Variants in TSHZ2 observed in about 807,000 individuals in gnomAD.
The protein encoded by TSHZ2 is teashirt zinc finger homeobox 2.
A neutral mutation model predicts 74.4 loss-of-function variants in TSHZ2; 21 were observed. The ratio of observed to expected loss-of-function variants is 0.28; its 90% CI spans 0.20 to 0.41. TSHZ2 has a LOEUF of 0.41. TSHZ2 is among the 10% of genes least tolerant of loss of function. TSHZ2 has a pLI of 1.00. For missense variants in TSHZ2, 1,244 were observed against 1,293.5 expected (o/e 0.96, Z 0.59); for synonymous variants, 540 against 515.3 (o/e 1.05, Z -0.65).
At chr20:52,997,602 C>G (rs977335346) in intron 1 of TSHZ2, among the ~76,000 whole-genome samples, 6 of 152,124 alleles carry the variant, frequency 3.9e-5, no homozygotes, top group Admixed American at 3.3e-4. Context: ...GGGCTGTCCT[C>G]TCCCCAGCCC....
At chr20:53,387,580 C>G (rs549589846) in intron 2 of TSHZ2, among the ~76,000 whole-genome samples, 79 of 152,260 alleles carry the variant, frequency 5.2e-4, no homozygotes, top group African/African-American at 1.8e-3. Context: ...CTCTTTTGCT[C>G]TCAAGTCTTG....
chr20:53,051,884 A>G (rs1568737345), intron 1 of TSHZ2, among the ~76,000 whole-genome samples: 1 of 152,238 alleles, frequency 6.6e-6, no homozygotes, highest in Non-Finnish European at 1.5e-5. Flanking sequence ...AGAAAGAAAC[A>G]ATTGTGGATG....
intron 1 of TSHZ2, among the ~76,000 whole-genome samples, chr20:53,080,455 T>C (rs900865778): frequency 2.6e-5 from 4 of 152,312 alleles, no homozygotes; most frequent in African/African-American, 9.6e-5. Flanking sequence ...GTCAGTTCTT[T>C]AGAGCAACAG....
chr20:53,206,212 C>T (rs1339373656), intron 1 of TSHZ2, among the ~76,000 whole-genome samples: 1 of 151,996 alleles, frequency 6.6e-6, no homozygotes, highest in Non-Finnish European at 1.5e-5. Flanking sequence ...AGCCAGACGC[C>T]GTCTCAAAAA....
chr20:53,085,967 G>A (rs574595041), intron 1 of TSHZ2, among the ~76,000 whole-genome samples: 1 of 152,226 alleles, frequency 6.6e-6, no homozygotes, highest in African/African-American at 2.4e-5. Flanking sequence ...GCCTCTCAAG[G>A]CCTAGGGTTA....
chr20:53,321,502 A>T lies in TSHZ2; in HGVS notation c.*8+64931A>T, dbSNP rs545345080. Among the ~76,000 whole-genome samples the T allele has an allele frequency of 1.1e-3, 169 of 151,866 alleles. 2 individuals are homozygous for T. The highest frequency in any genetic ancestry group is 3.8e-3 in the African/African-American group (157 of 41,410). ...AGTTCAAGACCAGCCTAGCCAACAT[A>T]GTGAAACCCCATCTCTACTAAAAAT... is the stretch of plus-strand genomic sequence containing the variant. On this transcript the variant is annotated intron_variant, in intron 2 of 2. Transcript: ENST00000371497.
chr20:53,147,191 C>T (rs914647530), intron 1 of TSHZ2, among the ~76,000 whole-genome samples: 4 of 152,152 alleles, frequency 2.6e-5, no homozygotes, highest in Non-Finnish European at 4.4e-5. Flanking sequence ...TGGCTTTATA[C>T]ATGGATAAAT....
intron 1 of TSHZ2, among the ~76,000 whole-genome samples, chr20:53,161,619 C>T (rs931813836): frequency 3.3e-5 from 5 of 152,186 alleles, no homozygotes; most frequent in Admixed American, 2.6e-4. Context: ...AGAGTACAAG[C>T]GAAAGAGGAA....
chr20:53,360,875 G>A lies in TSHZ2; in HGVS notation c.*8+104304G>A, dbSNP rs146155328. ...TTATATTAAAAACTTTTGTGTTCAG[G>A]ATAATGCCAGAAGCCAAGCTCTCTT... On this transcript the variant is annotated intron_variant, in intron 2 of 2. Transcript: ENST00000371497. 4.8e-4 allele frequency among the ~76,000 whole-genome samples: 73 copies of A among 152,274 alleles called. 1 individual carries two copies. The highest frequency in any genetic ancestry group is 8.1e-4 in the Non-Finnish European group (55 of 68,028).
intron 1 of TSHZ2, among the ~76,000 whole-genome samples, chr20:53,101,315 T>C (rs1311985955): frequency 6.6e-6 from 1 of 152,214 alleles, no homozygotes; most frequent in Non-Finnish European, 1.5e-5. Context: ...AATTATTGAT[T>C]TAATAATATT....
At chr20:53,087,941 C>A (rs184472422) in intron 1 of TSHZ2, among the ~76,000 whole-genome samples, 131 of 152,266 alleles carry the variant, frequency 8.6e-4, no homozygotes, top group African/African-American at 3.0e-3. Context: ...ATAACTCTCT[C>A]CTCCAACCTT....
chr20:53,163,188 G>A (rs1317085657), intron 1 of TSHZ2, among the ~76,000 whole-genome samples: 1 of 151,966 alleles, frequency 6.6e-6, no homozygotes, highest in Non-Finnish European at 1.5e-5. Flanking sequence ...GAGGTGTGAT[G>A]GTCCCCACCT....
intron 1 of TSHZ2, among the ~76,000 whole-genome samples, chr20:53,132,380 T>G (rs570651845): frequency 6.6e-6 from 1 of 151,314 alleles, no homozygotes; most frequent in Non-Finnish European, 1.5e-5. Context: ...GGCACCATCT[T>G]GGCTCACTGC....
chr20:53,018,471 G>C (rs1292519205), intron 1 of TSHZ2, among the ~76,000 whole-genome samples: 1 of 152,132 alleles, frequency 6.6e-6, no homozygotes, highest in Non-Finnish European at 1.5e-5. Context: ...AGCAAACCAG[G>C]GGCTAACAGA....
At chr20:53,005,752 T>C (rs1444503257) in intron 1 of TSHZ2, among the ~76,000 whole-genome samples, 1 of 152,212 alleles carries the variant, frequency 6.6e-6, no homozygotes, top group East Asian at 1.9e-4. Context: ...GTACTGGCTC[T>C]TTCTGGTTAT....
rs551761451 is a variant in TSHZ2, at chr20:53,180,797, A to G, written c.41-72702A>G. Among the ~76,000 whole-genome samples, 3 of 152,306 alleles carry G rather than the reference A, an allele frequency of 2.0e-5. No individual in the cohort carries two copies. In the South Asian group the frequency reaches 6.2e-4, roughly 32 times the overall value. ...AAAAAAATTATAAAATAAAATGAAAAGATCACTTGTTAACACAAAGCAAAA... is the reference window on the plus strand; with the variant it reads ...AAAAAAATTATAAAATAAAATGAAAGGATCACTTGTTAACACAAAGCAAAA... On this transcript the variant is annotated intron_variant, in intron 1 of 2. Transcript: ENST00000371497.
intron 1 of TSHZ2, among the ~76,000 whole-genome samples, chr20:53,037,443 C>CA (rs2123083521): frequency 6.6e-6 from 1 of 152,234 alleles, no homozygotes; most frequent in South Asian, 2.1e-4. Flanking sequence ...AGACTCCAAA[C>CA]AAAAATACAT....
rs538988475 is a variant in TSHZ2, at chr20:53,386,783, G to C, written c.*9-100361G>C. Among the ~76,000 whole-genome samples, 157 of 152,250 alleles carry C rather than the reference G, an allele frequency of 1.0e-3. 1 individual carries two copies. Among genetic ancestry groups the C allele is most frequent in the Middle Eastern group, 6.8e-3 (2 of 294 alleles). On this transcript the variant is annotated intron_variant, in intron 2 of 2. Coordinates refer to ENST00000371497, the MANE Select transcript of TSHZ2 (RefSeq NM_173485.6). The stretch of plus-strand genomic sequence containing the variant: ...GCGGAATGTTTACAACTAATCACTG[G>C]ATGAAAGGATTTTGCTACCTTCTAT...
At chr20:53,205,452 T>C (rs1989143975) in intron 1 of TSHZ2, among the ~76,000 whole-genome samples, 6 of 152,196 alleles carry the variant, frequency 3.9e-5, no homozygotes, top group Admixed American at 1.3e-4. Context: ...AACCAACTAT[T>C]TGTGACTTGA....
Sources: allele counts gnomAD v4.1 joint callset (sites outside exome capture counted in the v4.1 genomes callset), GRCh38; gene constraint gnomAD v4.1.1; transcripts MANE v1.5; gene names NCBI Gene and HGNC (gene_info 2026-07-23, HGNC 2026-07-21).